LOXL2: variants seen among roughly 807,000 people sequenced by gnomAD.
LOXL2 encodes lysyl oxidase homolog 2.
Under a neutral mutation model 93.0 loss-of-function variants are expected in LOXL2, and 70 were observed. That is an observed-to-expected ratio of 0.75 (90% CI 0.62 to 0.92). LOXL2 has a LOEUF of 0.92. Ranked by LOEUF, LOXL2 falls within the 40% of genes least tolerant of loss-of-function variation. The pLI is 0.00. For missense variants in LOXL2, 973 were observed against 1,054.9 expected, an observed-to-expected ratio of 0.92 and a Z score of 1.08; for synonymous variants, 438 against 413.2, an observed-to-expected ratio of 1.06 and a Z score of -0.73.
chr8:23,301,880 G>T, intron 12 of LOXL2, 147 bp downstream of exon 12: 1 of 936,602 alleles, frequency 1.1e-6, no homozygotes, highest in Non-Finnish European at 1.6e-6. Flanking sequence ...GTTAACTGAT[G>T]GACCGTGATG....
chr8:23,399,333 A>AG (rs1290854044), intron 1 of LOXL2, among the ~76,000 whole-genome samples: 2 of 152,246 alleles, frequency 1.3e-5, no homozygotes, highest in East Asian at 3.8e-4. Flanking sequence ...TGGTTTGAAT[A>AG]GGTGTCCCTC....
intron 2 of LOXL2, among the ~76,000 whole-genome samples, chr8:23,362,362 G>A (rs989421425): frequency 3.9e-5 from 6 of 152,184 alleles, no homozygotes; most frequent in African/African-American, 1.4e-4. Flanking sequence ...TTTCAGTTTT[G>A]CAAAATGGAA....
chr8:23,298,188 G>A lies in LOXL2; in HGVS notation c.2246-66C>T, dbSNP rs188672924. The A allele has an allele frequency of 6.5e-4, 850 of 1,307,278 alleles. 3 individuals carry two copies. The highest frequency in any genetic ancestry group is 5.4e-4 in the Non-Finnish European group (492 of 908,632). 81.0% of individuals were successfully genotyped at this position (1,307,278 alleles called of 1,614,324 possible). A position where few individuals can be genotyped will look rare whatever the true frequency, so the allele number is the denominator to read the frequency against. ...ATGCTCGGGCCTTGCCTGACCCTGA[G>A]CCAGGGGAGTGGGCCTCAGGGGCTG... On this transcript the variant is annotated intron_variant, in intron 13 of 13. Transcript: ENST00000389131.
At chr8:23,312,642 A>G (rs1392516945) in intron 9 of LOXL2, among the ~76,000 whole-genome samples, 2 of 120,032 alleles carry the variant, frequency 1.7e-5, no homozygotes, top group African/African-American at 6.8e-5. Context: ...TATTGATGGG[A>G]CGTATTTCAA....
At chr8:23,388,797 A>G (rs961108142) in intron 1 of LOXL2, among the ~76,000 whole-genome samples, 23 of 151,210 alleles carry the variant, frequency 1.5e-4, no homozygotes, top group African/African-American at 4.8e-4. Context: ...GTCTGCAAGT[A>G]AAGCTTTTAA....
chr8:23,357,439 G>C (rs575018179), intron 3 of LOXL2, among the ~76,000 whole-genome samples: 1 of 151,960 alleles, frequency 6.6e-6, no homozygotes, highest in Non-Finnish European at 1.5e-5. Flanking sequence ...ATCTTATTTC[G>C]CCCTGGAATT....
At chr8:23,355,907 C>T (rs569548880) in intron 3 of LOXL2, among the ~76,000 whole-genome samples, 2 of 151,934 alleles carry the variant, frequency 1.3e-5, no homozygotes, top group Admixed American at 6.6e-5. Flanking sequence ...ACCCAACAGG[C>T]CTTTTAAAAA....
rs1803875521 is a variant in LOXL2 at position 23,341,105 on chromosome 8, C to T, written c.630G>A (p.Glu210=). ...CACAGATCTGCTTCCAGGTCTTGCC[C>T]TCCTTCACCTCCACGTAGCCCTCCA... ...PVMEGYVEVK[E]GKTWKQICDK... is the part of the protein sequence containing the mutation. Residue 210 remains glutamate (E), a synonymous_variant, in exon 4 of 14, where the codon GAG becomes GAA. Transcript: ENST00000389131. 3.7e-6 allele frequency: 6 copies of T among 1,613,934 alleles called. No homozygotes were observed. The highest frequency in any genetic ancestry group is 4.5e-5 in the East Asian group (2 of 44,870).
At position 23,333,594 on chromosome 8, in the gene LOXL2, T is replaced by C. The variant is rs777358268; in HGVS notation, c.773A>G (p.Tyr258Cys). Reference sequence around the variant, plus strand: ...GGTGCAGTCCATGGAGAATGGCCAGTAGCGCTGCTTCCTCCGTGAGGCAAA... The same window carrying C: ...GGTGCAGTCCATGGAGAATGGCCAGCAGCGCTGCTTCCTCCGTGAGGCAAA... ...KMFASRRKQRYWPFSMDCTGT... is the reference protein window; with the variant it reads ...KMFASRRKQRCWPFSMDCTGT... The change falls in exon 5 of 14, where the codon TAC becomes TGC. Residue 258 changes from tyrosine to cysteine, a missense_variant. Coordinates refer to ENST00000389131, the MANE Select transcript of LOXL2 (RefSeq NM_002318.3). 1 of 1,613,516 alleles carries C rather than the reference T, an allele frequency of 6.2e-7. No individual in the cohort carries two copies. Among genetic ancestry groups the C allele is most frequent in the South Asian group, 1.1e-5 (1 of 91,086 alleles).
chr8:23,388,410 T>G (rs1314307455), intron 1 of LOXL2, among the ~76,000 whole-genome samples: 1 of 152,000 alleles, frequency 6.6e-6, no homozygotes, highest in Non-Finnish European at 1.5e-5. Context: ...AGATCCTGTC[T>G]CTACAAAAAA....
In LOXL2 at chr8:23,322,224, A is replaced by C. The variant is rs757328199; in HGVS notation, c.1208T>G (p.Ile403Arg). ...AGACTCGGCATTGAACTTGCAGTCT[A>C]TAATGGACTTCTCATTGCCTGTGCA... is the stretch of plus-strand genomic sequence containing the variant. ...IQCTGNEKSI[I>R]DCKFNAESQG... Residue 403 changes from isoleucine to arginine, a missense_variant, in exon 7 of 14, where the codon ATA becomes AGA. Ile to Arg is a moderately conservative substitution (Grantham distance 97). Transcript: ENST00000389131. 1.9e-5 allele frequency: 31 copies of C among 1,614,096 alleles called. No homozygotes were observed. Among genetic ancestry groups the C allele is most frequent in the Non-Finnish European group, 2.5e-5 (30 of 1,180,022 alleles).
At chr8:23,326,100 G>C (rs1456814731) in intron 6 of LOXL2, among the ~76,000 whole-genome samples, 1 of 152,248 alleles carries the variant, frequency 6.6e-6, no homozygotes, top group South Asian at 2.1e-4. Flanking sequence ...AGCCAGGGCT[G>C]AGGGGCTGAC....
At chr8:23,314,936 G>A (rs2117152175) in intron 9 of LOXL2, among the ~76,000 whole-genome samples, 2 of 152,368 alleles carry the variant, frequency 1.3e-5, no homozygotes, top group South Asian at 4.1e-4. Flanking sequence ...CCAGTGTGGT[G>A]CAGTCACTGA....
At chr8:23,373,412 C>A (rs1306180396) in intron 1 of LOXL2, among the ~76,000 whole-genome samples, 2 of 152,144 alleles carry the variant, frequency 1.3e-5, no homozygotes, top group East Asian at 3.9e-4. Flanking sequence ...CATAGCTCAC[C>A]GCAGCCTCGA....
rs376610195 is a variant in LOXL2 at position 23,317,867 on chromosome 8, G to C, written c.1471-753C>G. 4.1e-4 allele frequency among the ~76,000 whole-genome samples: 62 copies of C among 150,982 alleles called. No individual in the cohort carries two copies. In the East Asian group the frequency reaches 6.6e-3, roughly 16 times the overall value. Reference sequence around the variant, plus strand: ...AGGTGCTGTGTTCCTCAGGTCTCTCGGGCTTGGAGGCTGAGGCAGGATTAG... The same window carrying C: ...AGGTGCTGTGTTCCTCAGGTCTCTCCGGCTTGGAGGCTGAGGCAGGATTAG... On this transcript the variant is annotated intron_variant, in intron 8 of 13. Transcript: ENST00000389131.
At chr8:23,388,895 G>A (rs1804804107) in intron 1 of LOXL2, among the ~76,000 whole-genome samples, 1 of 151,972 alleles carries the variant, frequency 6.6e-6, no homozygotes, top group Non-Finnish European at 1.5e-5. Context: ...AGAGGGCTGG[G>A]TTGGAGGGAG....
chr8:23,352,197 C>G (rs6996322), intron 3 of LOXL2, among the ~76,000 whole-genome samples: 45,441 of 151,880 alleles, frequency 0.3, 8,706 homozygotes, highest in African/African-American at 0.54. Flanking sequence ...TCCAGCCAGA[C>G]AGTTGAGCAA....
At chr8:23,344,282 G>C (rs1803932408) in intron 3 of LOXL2, among the ~76,000 whole-genome samples, 5 of 152,224 alleles carry the variant, frequency 3.3e-5, no homozygotes. Context: ...AGAAGAGAAA[G>C]GGCTAGCACC....
Position 23,341,219 on chromosome 8 carries a change from C to T in LOXL2, c.532-16G>A, listed in dbSNP as rs11781891. ...TATTCAGGTTCTGGGAAGAAAGAGG[C>T]GTGGAAGGAGAGGGTTACCCTACTG... On this transcript the variant is annotated splice_polypyrimidine_tract_variant and intron_variant, in intron 3 of 13. Transcript: ENST00000389131. The T allele has an allele frequency of 6.9e-6, 11 of 1,603,340 alleles. No homozygotes were observed. Among genetic ancestry groups the T allele is most frequent in the Admixed American group, 3.3e-5 (2 of 59,948 alleles).
Sources: gnomAD v4.1 joint callset for allele counts (sites outside exome capture counted in the v4.1 genomes callset) on GRCh38, gnomAD v4.1.1 for gene constraint, MANE v1.5 for transcripts, NCBI Gene and HGNC (gene_info 2026-07-23, HGNC 2026-07-21) for gene names.